Variants in PAH observed in about 807,000 individuals in gnomAD.
PAH encodes the protein phenylalanine hydroxylase.
A neutral mutation model predicts 62.0 loss-of-function variants in PAH; 64 were observed. The observed-to-expected ratio is 1.03, with a 90% CI of 0.84 to 1.27. The LOEUF is 1.27. PAH is among the 50% of genes most tolerant of loss of function. The pLI, the probability that PAH is intolerant of heterozygous loss-of-function variation, is 0.00. For missense variants in PAH, 579 were observed against 542.8 expected, an observed-to-expected ratio of 1.07 and a Z score of -0.66; for synonymous variants, 195 against 196.2, an observed-to-expected ratio of 0.99 and a Z score of 0.05.
At chr12:102,933,924 G>T (rs1302201993) in intron 1 of PAH, among the ~76,000 whole-genome samples, 1 of 151,892 alleles carries the variant, frequency 6.6e-6, no homozygotes, top group African/African-American at 2.4e-5. Flanking sequence ...TTCTTTTGTG[G>T]TGCAAAAGCA....
intron 3 of PAH, among the ~76,000 whole-genome samples, chr12:102,888,371 G>A (rs1877126755): frequency 6.6e-6 from 1 of 151,824 alleles, no homozygotes; most frequent in Admixed American, 6.6e-5. Flanking sequence ...ATAATACTAT[G>A]TTTGCTTTAG....
intron 3 of PAH, among the ~76,000 whole-genome samples, chr12:102,879,113 G>A (rs1876707614): frequency 6.6e-6 from 1 of 152,068 alleles, no homozygotes; most frequent in Non-Finnish European, 1.5e-5. Context: ...CTGTGTCTCA[G>A]TTCCTCCTCC....
At chr12:102,952,549 ACTTT>A (rs1879797572), upstream of PAH, among the ~76,000 whole-genome samples, 1 of 152,150 alleles carries the variant, frequency 6.6e-6, no homozygotes, top group African/African-American at 2.4e-5. Flanking sequence ...TAGATTAACG[ACTTT>A]CTTTATGCTC....
chr12:102,931,853 A>G (rs1000937403), intron 1 of PAH, among the ~76,000 whole-genome samples: 2 of 152,186 alleles, frequency 1.3e-5, no homozygotes, highest in Admixed American at 6.5e-5. Context: ...TAGGTATCCA[A>G]TAAACGTTGA....
intron 8 of PAH, among the ~76,000 whole-genome samples, chr12:102,849,879 C>T (rs565932966): frequency 1.3e-5 from 2 of 152,316 alleles, no homozygotes; most frequent in East Asian, 3.9e-4. Context: ...TCTCAGGAAA[C>T]TTTCAACATG....
chr12:102,925,738 A>G (rs1441925338), intron 1 of PAH, among the ~76,000 whole-genome samples: 2 of 152,180 alleles, frequency 1.3e-5, no homozygotes, highest in African/African-American at 4.8e-5. Context: ...GCCAAAGCCC[A>G]CATAAACCCA....
At chr12:102,862,679 T>G (rs1875780946) in intron 5 of PAH, among the ~76,000 whole-genome samples, 1 of 152,198 alleles carries the variant, frequency 6.6e-6, no homozygotes, top group African/African-American at 2.4e-5. Context: ...GACTGTCCCC[T>G]AGGCTGCAGG....
intron 4 of PAH, among the ~76,000 whole-genome samples, chr12:102,874,369 T>C (rs923528244): frequency 3.3e-5 from 5 of 152,190 alleles, no homozygotes; most frequent in African/African-American, 1.2e-4. Context: ...ACCCCTTCTC[T>C]CTCTACTGTA....
intron 2 of PAH, among the ~76,000 whole-genome samples, chr12:102,911,739 A>G (rs993742756): frequency 6.6e-6 from 1 of 152,156 alleles, no homozygotes; most frequent in African/African-American, 2.4e-5. Context: ...TGAGAACATC[A>G]TAGGTTTTCA....
chr12:102,867,893 A>C (rs140580012), intron 4 of PAH, among the ~76,000 whole-genome samples: 1,487 of 142,512 alleles, frequency 0.01, 77 homozygotes, highest in African/African-American at 0.038. Flanking sequence ...GTATATACAT[A>C]TATAGATGTA....
upstream of PAH, among the ~76,000 whole-genome samples, chr12:102,918,861 ATGT>A (rs1315287379): frequency 6.6e-6 from 1 of 152,216 alleles, no homozygotes; most frequent in African/African-American, 2.4e-5. Context: ...GACATAAAAC[ATGT>A]TGTATTCCTC....
At chr12:102,948,891 A>G (rs1379822922) in intron 1 of PAH, among the ~76,000 whole-genome samples, 5 of 152,222 alleles carry the variant, frequency 3.3e-5, no homozygotes, top group African/African-American at 1.2e-4. Context: ...GTATCAGGGG[A>G]GAACGTCATT....
intron 8 of PAH, among the ~76,000 whole-genome samples, chr12:102,850,958 C>T (rs1875117879): frequency 6.6e-6 from 1 of 151,942 alleles, no homozygotes; most frequent in Admixed American, 6.6e-5. Flanking sequence ...AAAGTATGTG[C>T]TTGTAGTCCC....
chr12:102,946,291 G>A (rs146245679), intron 1 of PAH, among the ~76,000 whole-genome samples: 176 of 152,308 alleles, frequency 1.2e-3, no homozygotes, highest in African/African-American at 3.5e-3. Context: ...CATGTGCCCC[G>A]CAAGTCCACT....
At chr12:102,863,498 C>G (rs1875821784) in intron 5 of PAH, among the ~76,000 whole-genome samples, 1 of 152,144 alleles carries the variant, frequency 6.6e-6, no homozygotes, top group Non-Finnish European at 1.5e-5. Context: ...ATTGAAATCC[C>G]TCATTCTCCT....
At position 102,877,465 on chromosome 12, in the gene PAH, G is replaced by A. The variant is rs191142120; in HGVS notation, c.438C>T (p.His146=). The A allele has an allele frequency of 9.3e-6, 15 of 1,612,320 alleles. No individual in the cohort carries two copies. In the African/African-American group the frequency reaches 1.6e-4, roughly 17 times the overall value. ...LSYGAELDAD[H]PGFKDPVYRA... ...ATCCTACGGGCCATGGACTCACAGG[G>A]TGGTCAGCATCCAGTTCCGCTCCAT... Residue 146 remains histidine, a synonymous_variant, in exon 4 of 13, where the codon CAC becomes CAT. Coordinates refer to ENST00000553106, the MANE Select transcript of PAH (RefSeq NM_000277.3).
chr12:102,943,940 A>G (rs1261026921), intron 1 of PAH, among the ~76,000 whole-genome samples: 1 of 152,188 alleles, frequency 6.6e-6, no homozygotes, highest in Non-Finnish European at 1.5e-5. Flanking sequence ...TATGTTCCCT[A>G]CATGGGTGAC....
upstream of PAH, among the ~76,000 whole-genome samples, chr12:102,918,069 G>A (rs755371997): frequency 3.9e-5 from 6 of 152,122 alleles, no homozygotes; most frequent in Non-Finnish European, 8.8e-5. Flanking sequence ...CATTCTGGTG[G>A]GCAGAAAATA....
At chr12:102,928,440 A>G (rs889980073) in intron 1 of PAH, among the ~76,000 whole-genome samples, 1 of 152,184 alleles carries the variant, frequency 6.6e-6, no homozygotes, top group Non-Finnish European at 1.5e-5. Flanking sequence ...AATATCAGGT[A>G]TGGTGATGTC....
Sources: gnomAD v4.1 joint callset for allele counts (sites outside exome capture counted in the v4.1 genomes callset) on GRCh38, gnomAD v4.1.1 for gene constraint, MANE v1.5 for transcripts, NCBI Gene and HGNC (gene_info 2026-07-23, HGNC 2026-07-21) for gene names.